The following LOXHD1 variants were observed in gnomAD, a reference collection of about 807,000 sequenced individuals.
The protein encoded by LOXHD1 is lipoxygenase homology domain-containing protein 1.
In LOXHD1, 205 loss-of-function variants were observed where a neutral mutation model predicts 248.2. The ratio of observed to expected loss-of-function variants is 0.83; its 90% confidence interval spans 0.74 to 0.93. The LOEUF is 0.93. LOXHD1 is among the 40% of genes least tolerant of loss of function. The probability of loss-of-function intolerance (pLI) is 0.00; values close to 1 mark genes in which losing one functional copy is unlikely to be tolerated. For synonymous variants in LOXHD1, 1,113 were observed against 1,162.8 expected (o/e 0.96, Z 0.87); for missense variants, 2,930 against 2,971.6 (o/e 0.99, Z 0.33).
In LOXHD1 at chr18:46,538,236, G is replaced by A; in HGVS notation, c.4015C>T (p.Gln1339Ter). 1 of 1,550,776 alleles carries A rather than the reference G, an allele frequency of 6.4e-7. No homozygotes were observed. The highest frequency in any genetic ancestry group is 8.7e-7 in the Non-Finnish European group (1 of 1,146,182). ...IIYGCDAVCTQQKYLCTNKRE... is the reference protein window; with the variant it reads ...IIYGCDAVCT ...TTGTTGGTACACAGATACTTCTGCT[G>A]GGTGCACACGGCATCGCAGCCATAG... Residue 1339 changes from glutamine to a stop codon, truncating the protein, a stop_gained, in exon 26 of 41, where the codon CAG (glutamine) becomes TAG (stop). Transcript: ENST00000642948. LOFTEE classifies it high-confidence loss of function.
rs914109134 is a variant in LOXHD1, at chr18:46,522,265, C to T, written c.4921G>A (p.Ala1641Thr). 6.4e-6 allele frequency: 10 copies of T among 1,551,708 alleles called. No homozygotes were observed. The highest frequency in any genetic ancestry group is 5.9e-5 in the Admixed American group (3 of 50,994). Residue 1641 changes from alanine (A) to threonine (T), a missense_variant, in exon 32 of 41, where the codon GCG becomes ACG. Transcript: ENST00000642948. The part of the protein sequence containing the change: ...VSVTTGKHKD[A>T]ATDSRAFIFL... Reference sequence around the variant, plus strand: ...ATGAAGGCTCGGCTGTCAGTGGCCGCGTCCTTGTGCTTCCCAGTGGTGACT... The same window carrying T: ...ATGAAGGCTCGGCTGTCAGTGGCCGTGTCCTTGTGCTTCCCAGTGGTGACT...
At chr18:46,491,814 C>T (rs1340770236) in intron 37 of LOXHD1, among the ~76,000 whole-genome samples, 2 of 152,184 alleles carry the variant, frequency 1.3e-5, no homozygotes, top group African/African-American at 4.8e-5. Context: ...AATTCATTGC[C>T]CCCACTGCAT....
At chr18:46,604,721 C>G (rs561564976) in intron 6 of LOXHD1, among the ~76,000 whole-genome samples, 63 of 152,294 alleles carry the variant, frequency 4.1e-4, no homozygotes, top group Admixed American at 1.6e-3. Context: ...CAGCCACCAA[C>G]AGTAAGGCTA....
rs1410880036 is a variant in LOXHD1 at position 46,566,374 on chromosome 18, C to T, written c.2320G>A (p.Val774Met). The change falls in exon 17 of 41, where the codon GTG becomes ATG. Residue 774 changes from valine to methionine, a missense_variant. Val to Met is a conservative substitution (Grantham distance 21, BLOSUM62 1). Coordinates refer to ENST00000642948, the MANE Select transcript of LOXHD1 (RefSeq NM_001384474.1). ...GTGTACTGCTTGCCTTGACGGGGCACACGGATCTGAACGCTGCCCAGGAAC... is the reference window on the plus strand; with the variant it reads ...GTGTACTGCTTGCCTTGACGGGGCATACGGATCTGAACGCTGCCCAGGAAC... ...SWFLGSVQIR[V>M]PRQGKQYTFP... 1.9e-6 allele frequency: 3 copies of T among 1,551,582 alleles called. No homozygotes were observed. The highest frequency in any genetic ancestry group is 2.7e-5 in the African/African-American group (2 of 73,064).
chr18:46,515,615 A>G (rs1385824685), intron 34 of LOXHD1, among the ~76,000 whole-genome samples: 2 of 152,358 alleles, frequency 1.3e-5, no homozygotes, highest in East Asian at 3.9e-4. Context: ...AGCCTTGTAC[A>G]TCTGGAAAAC....
intron 14 of LOXHD1, among the ~76,000 whole-genome samples, chr18:46,572,708 G>T (rs1325286058): frequency 2.6e-5 from 4 of 152,116 alleles, no homozygotes; most frequent in Non-Finnish European, 4.4e-5. Flanking sequence ...CTCTGGGGTG[G>T]GGAGATGGCA....
chr18:46,616,182 C>T lies in LOXHD1; in HGVS notation c.610+2010G>A, dbSNP rs565272238. ...TATTAATACATTTGTTTTACTTTTG[C>T]TATTAGCCATGCTTTTTCTTTGCTT... On this transcript the variant is annotated intron_variant, in intron 5 of 40. Transcript: ENST00000642948. 3.9e-5 allele frequency among the ~76,000 whole-genome samples: 6 copies of T among 152,222 alleles called. No homozygotes were observed. In the East Asian group the frequency reaches 5.8e-4, roughly 15 times the overall value.
At chr18:46,653,516 C>A (rs566863220) in intron 1 of LOXHD1, among the ~76,000 whole-genome samples, 1 of 152,148 alleles carries the variant, frequency 6.6e-6, no homozygotes, top group African/African-American at 2.4e-5. Context: ...AAGACAGATA[C>A]CTTGTGGAGG....
intron 16 of LOXHD1, among the ~76,000 whole-genome samples, chr18:46,567,161 G>GT (rs953386620): frequency 1.3e-5 from 2 of 152,164 alleles, no homozygotes; most frequent in Non-Finnish European, 2.9e-5. Flanking sequence ...TTGCTTTTAT[G>GT]TTTTTTCTTT....
Position 46,477,674 on chromosome 18 carries a change from A to T in LOXHD1, c.6620T>A (p.Phe2207Tyr). The change falls in exon 41 of 41, where the codon TTC (phenylalanine) becomes TAC (tyrosine). Residue 2207 changes from phenylalanine to tyrosine, a missense_variant. Phe to Tyr is a conservative substitution (Grantham distance 22). Coordinates refer to ENST00000642948, the MANE Select transcript of LOXHD1 (RefSeq NM_001384474.1). ...CTCACCCAGCTCCAGCGTCTCCAGG[A>T]AGAAGCGGTCTGTGCTGCCCCGCTC... is the stretch of plus-strand genomic sequence containing the variant. ...LFERGSTDRFFLETLELGELR... is the reference protein window; with the variant it reads ...LFERGSTDRFYLETLELGELR... 1.3e-6 allele frequency: 2 copies of T among 1,551,884 alleles called. No homozygotes were observed. The highest frequency in any genetic ancestry group is 1.2e-5 in the South Asian group (1 of 84,064).
rs377414885 is a variant in LOXHD1 at position 46,649,236 on chromosome 18, C to T, written c.164G>A (p.Arg55His). 3.4e-5 allele frequency: 52 copies of T among 1,551,748 alleles called. No homozygotes were observed. The highest frequency in any genetic ancestry group is 4.1e-5 in the Non-Finnish European group (47 of 1,147,044). Reference sequence around the variant, plus strand: ...GACATTGGCATCCGTCCCTGCACCGCGAACATCCCCCGTGGCTGTGACCAC... The same window carrying T: ...GACATTGGCATCCGTCCCTGCACCGTGAACATCCCCCGTGGCTGTGACCAC... ...YEVVTATGDV[R>H]GAGTDANVFI... Residue 55 changes from arginine (R) to histidine (H), a missense_variant, in exon 2 of 41, where the codon CGC becomes CAC. By Grantham distance (29) the Arg-to-His change is conservative (BLOSUM62 0). Coordinates refer to ENST00000642948, the MANE Select transcript of LOXHD1 (RefSeq NM_001384474.1).
At chr18:46,558,668 G>A (rs909832174) in intron 20 of LOXHD1, among the ~76,000 whole-genome samples, 7 of 152,150 alleles carry the variant, frequency 4.6e-5, no homozygotes, top group East Asian at 1.9e-4. Context: ...TTTGGCTTTC[G>A]GGTAGAGGCA....
At chr18:46,547,356 G>A (rs1337437799) in intron 21 of LOXHD1, among the ~76,000 whole-genome samples, 1 of 152,206 alleles carries the variant, frequency 6.6e-6, no homozygotes, top group African/African-American at 2.4e-5. Context: ...TATCTAGAAG[G>A]AGAGGGACAT....
At chr18:46,544,243 T>C (rs1168199890) in intron 23 of LOXHD1, among the ~76,000 whole-genome samples, 1 of 152,198 alleles carries the variant, frequency 6.6e-6, no homozygotes, top group Non-Finnish European at 1.5e-5. Flanking sequence ...TTGGGAAAAT[T>C]ATGTAATGTT....
chr18:46,488,969 T>C lies in LOXHD1; in HGVS notation c.6049+3A>G. Reference sequence around the variant, plus strand: ...TCCTGAGCCAATGATCTCCCCCACATACTGGTCTCTTCCAGCTCATCACAG... The same window carrying C: ...TCCTGAGCCAATGATCTCCCCCACACACTGGTCTCTTCCAGCTCATCACAG... On this transcript the variant is annotated splice_donor_region_variant and intron_variant, in intron 38 of 40. Coordinates refer to ENST00000642948, the MANE Select transcript of LOXHD1 (RefSeq NM_001384474.1). 8 of 1,550,712 alleles carry C rather than the reference T, an allele frequency of 5.2e-6. No homozygotes were observed. The highest frequency in any genetic ancestry group is 7.0e-6 in the Non-Finnish European group (8 of 1,146,134).
chr18:46,560,050 C>CCGGG, intron 19 of LOXHD1, 33 bp downstream of exon 19: 16 of 1,125,780 alleles, frequency 1.4e-5, no homozygotes, highest in East Asian at 2.8e-5. Context: ...CTGGCCACTC[C>CCGGG]CTCCCCACCC....
Position 46,522,449 on chromosome 18 carries a change from A to T in LOXHD1, c.4877-140T>A, listed in dbSNP as rs116554493. ...AGAGACAAAGTGCAGTGAGCCCTTC[A>T]GACTGGTAAGTTATCTGTGGTGTGT... On this transcript the variant is annotated intron_variant, in intron 31 of 40. Coordinates refer to ENST00000642948, the MANE Select transcript of LOXHD1 (RefSeq NM_001384474.1). The T allele has an allele frequency of 1.8e-3, 1,190 of 666,380 alleles. 8 individuals are homozygous for T. The African/African-American group carries it at 0.019, about 11-fold the overall frequency. The allele number at this position is 666,380 out of a possible 1,614,324, so 41.3% of individuals were successfully genotyped here.
intron 26 of LOXHD1, among the ~76,000 whole-genome samples, chr18:46,537,831 G>A (rs146758657): frequency 1.3e-5 from 2 of 152,310 alleles, no homozygotes; most frequent in African/African-American, 4.8e-5. Flanking sequence ...AGCAAGTCTG[G>A]GAGCTATGTT....
rs1284871135 is a variant in LOXHD1, at chr18:46,507,764, C to T, written c.5518-52G>A. 7.9e-6 allele frequency: 12 copies of T among 1,512,814 alleles called. No individual in the cohort carries two copies. In the Middle Eastern group the frequency reaches 1.6e-3, roughly 196 times the overall value. The allele number at this position is 1,512,814 out of a possible 1,614,324, so 93.7% of individuals were successfully genotyped here. ...ATGCCCTGTCCTCCCTCACCTCCAC[C>T]AGCACCCCCTGGCTCATGCAGCCCC... On this transcript the variant is annotated intron_variant, in intron 35 of 40. Transcript: ENST00000642948.
Sources: allele counts gnomAD v4.1 joint callset (sites outside exome capture counted in the v4.1 genomes callset), GRCh38; gene constraint gnomAD v4.1.1; transcripts MANE v1.5; gene names NCBI Gene and HGNC (gene_info 2026-07-23, HGNC 2026-07-21).